CWF19L2: variants seen among roughly 807,000 people sequenced by gnomAD.
CWF19L2 encodes the protein CWF19 like cell cycle control factor 2, also known as CWF19-like protein 2.
Under a neutral mutation model 111.7 loss-of-function variants are expected in CWF19L2, and 98 were observed. The ratio of observed to expected loss-of-function variants is 0.88; its 90% CI spans 0.75 to 1.04. The LOEUF is 1.04. CWF19L2 is among the 50% of genes least tolerant of loss of function. The pLI is 0.00. For missense variants in CWF19L2, 1,101 were observed against 1,051.4 expected, an observed-to-expected ratio of 1.05 and a Z score of -0.65; for synonymous variants, 351 against 342.9, an observed-to-expected ratio of 1.02 and a Z score of -0.26.
At chr11:107,418,653 G>A (rs75147935) in intron 8 of CWF19L2, among the ~76,000 whole-genome samples, 6,152 of 152,126 alleles carry the variant, frequency 0.04, 156 homozygotes, top group East Asian at 0.11. Context: ...CTTCTCATTC[G>A]ACATAAGTTG....
intron 7 of CWF19L2, among the ~76,000 whole-genome samples, chr11:107,431,340 A>T (rs914525400): frequency 2.6e-5 from 4 of 151,964 alleles, no homozygotes; most frequent in Admixed American, 2.6e-4. Context: ...AAACATTTTT[A>T]AAATTCAATT....
intron 10 of CWF19L2, among the ~76,000 whole-genome samples, chr11:107,395,433 CA>C (rs1240064230): frequency 6.6e-6 from 1 of 152,140 alleles, no homozygotes; most frequent in Non-Finnish European, 1.5e-5. Context: ...TATGTTGGTT[CA>C]ACCTAAATAA....
chr11:107,423,479 T>C (rs1180509247), intron 8 of CWF19L2, among the ~76,000 whole-genome samples: 2 of 151,922 alleles, frequency 1.3e-5, no homozygotes, highest in Non-Finnish European at 2.9e-5. Context: ...GTCTCTCAAA[T>C]TCTTGTTTCC....
rs144445613 is a variant in CWF19L2 at position 107,355,275 on chromosome 11, C to T, written c.1873-1539G>A. On this transcript the variant is annotated intron_variant, in intron 12 of 17. Coordinates refer to ENST00000282251, the MANE Select transcript of CWF19L2 (RefSeq NM_152434.3). ...TACTAAAAATACAAAAGTAGCCGGGCGTGGTGGTCCATGCCTATAATCCCA... is the reference window on the plus strand; with the variant it reads ...TACTAAAAATACAAAAGTAGCCGGGTGTGGTGGTCCATGCCTATAATCCCA... 5.4e-3 allele frequency among the ~76,000 whole-genome samples: 822 copies of T among 151,948 alleles called. 4 individuals are homozygous for T. Among genetic ancestry groups the T allele is most frequent in the Non-Finnish European group, 8.4e-3 (572 of 67,932 alleles).
Position 107,371,294 on chromosome 11 carries a change from C to A in CWF19L2, c.1873-17558G>T, listed in dbSNP as rs765609332. Among the ~76,000 whole-genome samples, 2 of 137,468 alleles carry A rather than the reference C, an allele frequency of 1.5e-5. 1 individual carries two copies. Among genetic ancestry groups the A allele is most frequent in the African/African-American group, 5.8e-5 (2 of 34,436 alleles). The allele number at this position is 137,468 out of a possible 152,430, so 90.2% of individuals were successfully genotyped here. On this transcript the variant is annotated intron_variant, in intron 12 of 17. Transcript: ENST00000282251. ...CTGGGATTACAGGCGTGAGCCACCA[C>A]GCCCGGCCTCTAGTTTCTATCTTTA... is the stretch of plus-strand genomic sequence containing the variant.
chr11:107,420,576 C>A (rs185708874), intron 8 of CWF19L2, among the ~76,000 whole-genome samples: 1 of 152,074 alleles, frequency 6.6e-6, no homozygotes, highest in African/African-American at 2.4e-5. Context: ...ATAATAGTCC[C>A]CCCCCTTATC....
At chr11:107,450,465 G>C (rs965691783) in intron 3 of CWF19L2, among the ~76,000 whole-genome samples, 2 of 152,024 alleles carry the variant, frequency 1.3e-5, no homozygotes, top group South Asian at 2.1e-4. Flanking sequence ...AGGTGGGAGA[G>C]TCACTTGAGC....
At chr11:107,428,722 C>T (rs1861414994) in intron 8 of CWF19L2, 77 bp downstream of exon 8, 2 of 1,128,688 alleles carry the variant, frequency 1.8e-6, no homozygotes, top group African/African-American at 1.6e-5. Context: ...CAGCTAATAA[C>T]TGATGTTCTA....
intron 15 of CWF19L2, among the ~76,000 whole-genome samples, chr11:107,335,509 T>G (rs1337246345): frequency 6.6e-6 from 1 of 152,212 alleles, no homozygotes; most frequent in Non-Finnish European, 1.5e-5. Flanking sequence ...CAACTTAACT[T>G]TGATTGCATG....
intron 12 of CWF19L2, among the ~76,000 whole-genome samples, chr11:107,375,232 G>A (rs1279931553): frequency 2.3e-5 from 3 of 132,384 alleles, no homozygotes; most frequent in Admixed American, 2.2e-4. Flanking sequence ...GGTCAACAAG[G>A]ATACCCAGGA....
chr11:107,390,676 A>C (rs1565265143), intron 11 of CWF19L2, among the ~76,000 whole-genome samples: 1 of 152,208 alleles, frequency 6.6e-6, no homozygotes. Context: ...TCTCAGTATG[A>C]AGGTATTAAG....
intron 14 of CWF19L2, among the ~76,000 whole-genome samples, chr11:107,339,619 TAATATAGATCCTCTTCAGCAAAATG>T (rs1859975707): frequency 6.6e-6 from 1 of 152,008 alleles, no homozygotes; most frequent in Admixed American, 6.6e-5. Flanking sequence ...TGCCATCTAT[TAATATAGATCCTCTTCAGCAAAATG>T]TTTCATGATG....
At chr11:107,395,029 T>C (rs1860902062) in intron 10 of CWF19L2, among the ~76,000 whole-genome samples, 1 of 152,212 alleles carries the variant, frequency 6.6e-6, no homozygotes, top group Admixed American at 6.5e-5. Flanking sequence ...GAGTGTTTTA[T>C]AGCAATTGTA....
At chr11:107,430,655 C>T (rs909530147) in intron 7 of CWF19L2, among the ~76,000 whole-genome samples, 2 of 151,954 alleles carry the variant, frequency 1.3e-5, no homozygotes, top group Non-Finnish European at 2.9e-5. Flanking sequence ...AACTTTAAAA[C>T]AATTTTCAAG....
chr11:107,442,977 CT>C lies in CWF19L2; in HGVS notation c.411del (p.Asp138MetfsTer18). The C allele has an allele frequency of 6.4e-7, 1 of 1,551,704 alleles. No individual in the cohort carries two copies. The highest frequency in any genetic ancestry group is 1.2e-5 in the South Asian group (1 of 84,054). Reference sequence around the variant, plus strand: ...GTGTCATCTTTTCCTGACTTTTCATCTTTCACTTTCCAGGCTTTTTCCTTGT... The same window carrying C: ...GTGTCATCTTTTCCTGACTTTTCATCTTCACTTTCCAGGCTTTTTCCTTGT... ...TPDKEKAWKV[K>X]DEKSGKDDTQ... On this transcript the variant is annotated frameshift_variant, in exon 4 of 18. Transcript: ENST00000282251. LOFTEE classifies it high-confidence loss of function.
At position 107,342,330 on chromosome 11, in the gene CWF19L2, AATTT is replaced by A. The variant is rs1860016476; in HGVS notation, c.2203-5621_2203-5618del. Among the ~76,000 whole-genome samples the A allele has an allele frequency of 2.6e-5, 4 of 152,142 alleles. No homozygotes were observed. The South Asian group carries it at 8.3e-4, about 32-fold the overall frequency. On this transcript the variant is annotated intron_variant, in intron 14 of 17. Transcript: ENST00000282251. ...AATACACTATTGAAGTGTATTATTT[AATTT>A]AACATGTTGTAATTTCATTGTAATT...
chr11:107,412,510 T>G (rs1305632006), intron 10 of CWF19L2, among the ~76,000 whole-genome samples: 1 of 152,150 alleles, frequency 6.6e-6, no homozygotes, highest in Non-Finnish European at 1.5e-5. Flanking sequence ...CCAGCTAATT[T>G]TTGTATTTTT....
At chr11:107,436,903 T>C (rs1861548600) in intron 6 of CWF19L2, among the ~76,000 whole-genome samples, 2 of 152,200 alleles carry the variant, frequency 1.3e-5, no homozygotes, top group South Asian at 2.1e-4. Context: ...GTCCTTTACA[T>C]GGTTGCCAAG....
intron 6 of CWF19L2, among the ~76,000 whole-genome samples, chr11:107,436,159 G>C (rs11822475): frequency 2.3e-4 from 30 of 129,010 alleles, no homozygotes; most frequent in African/African-American, 6.6e-4. Context: ...CACGCCCCCC[G>C]ACCCAAAAAA....
Sources: gnomAD v4.1 joint callset for allele counts (sites outside exome capture counted in the v4.1 genomes callset) on GRCh38, gnomAD v4.1.1 for gene constraint, MANE v1.5 for transcripts, NCBI Gene and HGNC (gene_info 2026-07-23, HGNC 2026-07-21) for gene names.